The following NLGN3 variants were observed in gnomAD, a reference collection of about 807,000 sequenced individuals.
The protein encoded by NLGN3 is neuroligin-3.
Under a neutral mutation model 42.9 loss-of-function variants are expected in NLGN3, and 11 were observed. The ratio of observed to expected loss-of-function variants is 0.26; its 90% CI spans 0.16 to 0.42. The LOEUF (loss-of-function observed/expected upper bound fraction) is 0.42, where lower values mean the gene tolerates loss of function less well. NLGN3 is among the 10% of genes least tolerant of loss of function. NLGN3 has a pLI of 1.00. For synonymous variants in NLGN3, 279 were observed against 312.7 expected (o/e 0.89, Z 1.14); for missense variants, 374 against 733.8 (o/e 0.51, Z 5.67).
At chrX:71,164,651 T>C (rs35106866) in intron 6 of NLGN3, among the ~76,000 whole-genome samples, 23,934 of 110,822 alleles carry the variant, frequency 0.22, 2,316 homozygotes, top group Middle Eastern at 0.47. Flanking sequence ...GATCTTTCAG[T>C]ATGGGAAGGA....
chrX:71,156,438 T>C (rs2092409299), intron 5 of NLGN3, among the ~76,000 whole-genome samples: 1 of 110,304 alleles, frequency 9.1e-6, no homozygotes, highest in Non-Finnish European at 1.9e-5. Context: ...TCCACATCTA[T>C]ATACATCCCA....
chrX:71,168,884 G>GAAAGAAAGAAAGAAAAGAA (rs774015992), intron 7 of NLGN3, among the ~76,000 whole-genome samples: 1 of 71,603 alleles, frequency 1.4e-5, no homozygotes, highest in African/African-American at 1.4e-4. Context: ...AGAAAAGAAA[G>GAAAGAAAGAAAGAAAAGAA]AGAAAGAAAG....
rs112095862 is a variant in NLGN3 at position 71,170,157 on chromosome X, G to GCA, written c.*80_*81dup. The GCA allele has an allele frequency of 0.098, 92,150 of 937,064 alleles. 3,283 individuals carry two copies. The highest frequency in any genetic ancestry group is 0.38 in the African/African-American group (18,332 of 48,183). 77.2% of individuals were successfully genotyped at this position (937,064 alleles called of 1,213,427 possible). On this transcript the variant is annotated 3_prime_UTR_variant, in exon 8 of 8. Transcript: ENST00000358741. ...CTCCCTCCCAGATCCAGGAACACAT[G>GCA]CACACACACACACACACACACGCAG...
chrX:71,166,532 G>A (rs1327010464), intron 6 of NLGN3, among the ~76,000 whole-genome samples: 2 of 110,944 alleles, frequency 1.8e-5, no homozygotes, highest in Non-Finnish European at 1.9e-5. Context: ...TTTCAGACCC[G>A]AAGGCCTTTG....
At chrX:71,173,632 A>C (rs1467038553), downstream of NLGN3, among the ~76,000 whole-genome samples, 2 of 112,112 alleles carry the variant, frequency 1.8e-5, no homozygotes, top group Non-Finnish European at 3.8e-5. Context: ...ATATGATCTG[A>C]ATTTGTAGTG....
chrX:71,155,666 T>C (rs2092406129), intron 5 of NLGN3, among the ~76,000 whole-genome samples: 1 of 111,447 alleles, frequency 9.0e-6, no homozygotes, highest in Admixed American at 9.5e-5. Context: ...GATGCTTCAA[T>C]TTTCCACTGT....
At position 71,161,783 on chromosome X, in the gene NLGN3, T is replaced by A. The variant is rs1054237019; in HGVS notation, c.728-2360T>A. Among the ~76,000 whole-genome samples, 28 of 111,321 alleles carry A rather than the reference T, an allele frequency of 2.5e-4. 1 individual carries two copies. Among genetic ancestry groups the A allele is most frequent in the African/African-American group, 7.8e-4 (24 of 30,690 alleles). ...GAGTGAAACTCCTTCTAAAAAAAAA[T>A]AAATAAATAATAAATAAATCCTCCA... On this transcript the variant is annotated intron_variant, in intron 5 of 7. Coordinates refer to ENST00000358741, the MANE Select transcript of NLGN3 (RefSeq NM_181303.2).
chrX:71,156,875 G>A (rs1170943370), intron 5 of NLGN3, among the ~76,000 whole-genome samples: 1 of 111,647 alleles, frequency 9.0e-6, no homozygotes, highest in African/African-American at 3.3e-5. Context: ...GCACAAGCTT[G>A]TGTCAGTCAT....
At chrX:71,157,010 C>T (rs1355723120) in intron 5 of NLGN3, among the ~76,000 whole-genome samples, 2 of 110,891 alleles carry the variant, frequency 1.8e-5, no homozygotes, top group Non-Finnish European at 3.8e-5. Context: ...CTCATGCTCC[C>T]CCAAGCCCCG....
chrX:71,152,541 C>T (rs754303263), intron 3 of NLGN3, among the ~76,000 whole-genome samples: 1 of 111,026 alleles, frequency 9.0e-6, no homozygotes, highest in Non-Finnish European at 1.9e-5. Flanking sequence ...GTCACTTTAC[C>T]CCTCTGAACC....
In NLGN3 at chrX:71,170,060, C is replaced by G. The variant is rs778287494; in HGVS notation, c.2510C>G (p.Thr837Ser). The change falls in exon 8 of 8, where the codon ACC becomes AGC. Residue 837 changes from threonine to serine, a missense_variant. Thr to Ser is a moderately conservative substitution (Grantham distance 58, BLOSUM62 1). Around this residue, in one of 6 missense-constraint regions of NLGN3, gnomAD observed 92 missense variants for 108.0 expected, o/e 0.85. Coordinates refer to ENST00000358741, the MANE Select transcript of NLGN3 (RefSeq NM_181303.2). ...YNTFAAGFNS[T>S]GLPHSHSTTR... The stretch of plus-strand genomic sequence containing the variant: ...ACCTTTGCCGCAGGGTTCAACAGTA[C>G]CGGGCTGCCCCACTCACACTCCACT... 11 of 1,209,925 alleles carry G rather than the reference C, an allele frequency of 9.1e-6. No homozygotes were observed. The South Asian group carries it at 1.9e-4, about 21-fold the overall frequency.
chrX:71,174,367 C>T (rs2092475255), downstream of NLGN3, among the ~76,000 whole-genome samples: 1 of 111,764 alleles, frequency 8.9e-6, no homozygotes, highest in African/African-American at 3.3e-5. Flanking sequence ...GGAAGAGATA[C>T]GTGCTGCAGC....
chrX:71,172,425 C>A (rs190159886), downstream of NLGN3, among the ~76,000 whole-genome samples: 263 of 110,641 alleles, frequency 2.4e-3, no homozygotes, highest in African/African-American at 8.2e-3. Flanking sequence ...TAGAAACAGA[C>A]CTAGAATGCC....
chrX:71,165,206 G>C (rs1569485225), intron 6 of NLGN3, among the ~76,000 whole-genome samples: 1 of 111,877 alleles, frequency 8.9e-6, no homozygotes, highest in South Asian at 3.7e-4. Flanking sequence ...CTGTCTCTCT[G>C]AGAGAGAAGA....
chrX:71,171,597 G>A, downstream of NLGN3: 2 of 636,238 alleles, frequency 3.1e-6, no homozygotes, highest in Non-Finnish European at 3.8e-6. Flanking sequence ...TGGACTGGGG[G>A]CTGGGAGGAG....
intron 7 of NLGN3, among the ~76,000 whole-genome samples, chrX:71,168,693 G>C (rs1259935107): frequency 2.1e-5 from 2 of 96,278 alleles, no homozygotes; most frequent in Non-Finnish European, 4.1e-5. Context: ...CCGCACTCCA[G>C]CCTGTGCGAC....
chrX:71,160,212 T>TC (rs2092425316), intron 5 of NLGN3, among the ~76,000 whole-genome samples: 1 of 102,174 alleles, frequency 9.8e-6, no homozygotes, highest in East Asian at 2.9e-4. Context: ...TTTCTTTCTT[T>TC]CTTTTTTTTT....
chrX:71,148,725 A>T, intron 2 of NLGN3, 121 bp from the exon 3 acceptor site: 6 of 541,565 alleles, frequency 1.1e-5, no homozygotes, highest in Non-Finnish European at 1.4e-5. Context: ...AGATGGTGGG[A>T]CAGGCTCTCT....
chrX:71,172,627 CGTGTGTGTGTGT>C (rs59876964), downstream of NLGN3, among the ~76,000 whole-genome samples: 2 of 100,497 alleles, frequency 2.0e-5, no homozygotes, highest in Admixed American at 1.1e-4. Context: ...TGTGTGCATG[CGTGTGTGTGTGT>C]GTGTGTGTGT....
Sources: gnomAD v4.1 joint callset for allele counts (sites outside exome capture counted in the v4.1 genomes callset) on GRCh38, gnomAD v4.1.1 for gene constraint, gnomAD v4.1.1 regional missense constraint, MANE v1.5 for transcripts, NCBI Gene and HGNC (gene_info 2026-07-23, HGNC 2026-07-21) for gene names.